Variants in TBX15 observed in about 807,000 individuals in gnomAD.
TBX15 encodes the protein T-box transcription factor TBX15.
Under a neutral mutation model 53.9 loss-of-function variants are expected in TBX15, and 18 were observed. The observed-to-expected ratio is 0.33, with a 90% CI of 0.23 to 0.49. The LOEUF (loss-of-function observed/expected upper bound fraction) is 0.49. Ranked by LOEUF, TBX15 falls within the 20% of genes least tolerant of loss-of-function variation. TBX15 has a pLI of 0.98. For synonymous variants in TBX15, 295 were observed against 278.0 expected, an observed-to-expected ratio of 1.06 and a Z score of -0.61; for missense variants, 692 against 749.5, an observed-to-expected ratio of 0.92 and a Z score of 0.90.
chr1:118,890,241 C>T (rs1654093057), intron 7 of TBX15, among the ~76,000 whole-genome samples: 2 of 152,158 alleles, frequency 1.3e-5, no homozygotes, highest in Admixed American at 1.3e-4. Context: ...GTCCCTCCTC[C>T]CTCACTTCCA....
intron 6 of TBX15, among the ~76,000 whole-genome samples, chr1:118,912,263 G>A (rs1379429537): frequency 6.6e-6 from 1 of 152,096 alleles, no homozygotes; most frequent in African/African-American, 2.4e-5. Flanking sequence ...CCAGTAGGTT[G>A]GAACCCTTGA....
At chr1:118,960,037 C>G (rs1269924662) in intron 1 of TBX15, among the ~76,000 whole-genome samples, 2 of 147,640 alleles carry the variant, frequency 1.4e-5, no homozygotes, top group African/African-American at 5.0e-5. Flanking sequence ...TGAAGAATCA[C>G]TGGAGCAAAG....
At chr1:118,922,730 A>G (rs1655463748) in intron 5 of TBX15, among the ~76,000 whole-genome samples, 1 of 152,212 alleles carries the variant, frequency 6.6e-6, no homozygotes, top group African/African-American at 2.4e-5. Flanking sequence ...GGATGTGAAG[A>G]GGCTGTCAGA....
At chr1:118,925,719 C>G (rs1571179480) in intron 3 of TBX15, among the ~76,000 whole-genome samples, 1 of 152,172 alleles carries the variant, frequency 6.6e-6, no homozygotes, top group South Asian at 2.1e-4. Context: ...TCTCCTAAGT[C>G]CTGAAATCCA....
intron 7 of TBX15, among the ~76,000 whole-genome samples, chr1:118,887,740 G>A (rs1324661637): frequency 6.6e-6 from 1 of 151,298 alleles, no homozygotes; most frequent in African/African-American, 2.4e-5. Context: ...GTGTGCTAAG[G>A]ACACAGGGGT....
chr1:118,938,751 G>A (rs766660566), intron 1 of TBX15, among the ~76,000 whole-genome samples: 14 of 152,136 alleles, frequency 9.2e-5, no homozygotes, highest in African/African-American at 9.7e-5. Context: ...GTTGATTAGT[G>A]ATGCTCAGGG....
At chr1:118,890,358 G>C (rs781443984) in intron 7 of TBX15, among the ~76,000 whole-genome samples, 1 of 152,116 alleles carries the variant, frequency 6.6e-6, no homozygotes, top group Non-Finnish European at 1.5e-5. Flanking sequence ...ACTATCCTTA[G>C]AGGTCTTAAT....
At chr1:118,906,643 T>C (rs887962045) in intron 6 of TBX15, among the ~76,000 whole-genome samples, 10 of 152,198 alleles carry the variant, frequency 6.6e-5, no homozygotes, top group Non-Finnish European at 1.2e-4. Context: ...CCACCTCCCC[T>C]AGACAGAAAT....
At chr1:118,953,485 G>A (rs559167014) in intron 1 of TBX15, among the ~76,000 whole-genome samples, 1 of 152,218 alleles carries the variant, frequency 6.6e-6, no homozygotes, top group South Asian at 2.1e-4. Flanking sequence ...AGAAAGAAAG[G>A]TAAGAATGAC....
chr1:118,949,645 C>T (rs1040436849), intron 1 of TBX15, among the ~76,000 whole-genome samples: 5 of 152,216 alleles, frequency 3.3e-5, no homozygotes, highest in Admixed American at 6.5e-5. Context: ...ACTCAAGAAA[C>T]CCAATGTCCT....
At chr1:118,905,714 A>G (rs1234709836) in intron 6 of TBX15, among the ~76,000 whole-genome samples, 4 of 152,234 alleles carry the variant, frequency 2.6e-5, no homozygotes, top group Non-Finnish European at 5.9e-5. Flanking sequence ...TAAGAGTGCC[A>G]GGAAAGAGTA....
intron 7 of TBX15, among the ~76,000 whole-genome samples, chr1:118,890,072 T>A (rs1654086563): frequency 6.6e-6 from 1 of 152,208 alleles, no homozygotes; most frequent in African/African-American, 2.4e-5. Context: ...CTCCCCACCC[T>A]GATGAGCATT....
In TBX15 at chr1:118,884,105, C is replaced by G. The variant is rs1279443752; in HGVS notation, c.*627G>C. On this transcript the variant is annotated 3_prime_UTR_variant, in exon 8 of 8. Transcript: ENST00000369429. Reference sequence around the variant, plus strand: ...CAAGTCCAGTTGTACTGATGTCTTTCCACTCTCATCCATTGGGAGGGTCTC... The same window carrying G: ...CAAGTCCAGTTGTACTGATGTCTTTGCACTCTCATCCATTGGGAGGGTCTC... 6.5e-6 allele frequency: 1 copy of G among 154,310 alleles called. No homozygotes were observed. The highest frequency in any genetic ancestry group is 6.4e-5 in the Admixed American group (1 of 15,574). The allele number at this position is 154,310 out of a possible 1,614,324, so 9.6% of individuals were successfully genotyped here. A position where few individuals can be genotyped will look rare whatever the true frequency, so the allele number is the denominator to read the frequency against.
At chr1:118,914,753 A>C (rs952519637) in intron 5 of TBX15, among the ~76,000 whole-genome samples, 1 of 152,218 alleles carries the variant, frequency 6.6e-6, no homozygotes, top group African/African-American at 2.4e-5. Flanking sequence ...ATGTTCATGT[A>C]GAAGACAGAA....
At position 118,933,098 on chromosome 1, in the gene TBX15, A is replaced by C. The variant is rs1423737038; in HGVS notation, c.206-1266T>G. 2.6e-5 allele frequency among the ~76,000 whole-genome samples: 4 copies of C among 152,316 alleles called. No individual in the cohort carries two copies. In the South Asian group the frequency reaches 8.3e-4, roughly 32 times the overall value. ...CAGAATGCCCAATCACGTTGCTGCC[A>C]ACCTCACTTACCTGCAGCAGGTTTG... On this transcript the variant is annotated intron_variant, in intron 1 of 7. Coordinates refer to ENST00000369429, the MANE Select transcript of TBX15 (RefSeq NM_001330677.2).
At chr1:118,980,207 G>A (rs1260020067) in intron 1 of TBX15, among the ~76,000 whole-genome samples, 1 of 152,160 alleles carries the variant, frequency 6.6e-6, no homozygotes, top group East Asian at 1.9e-4. Flanking sequence ...CAAGTAAGGG[G>A]GTTAACTGCT....
intron 1 of TBX15, among the ~76,000 whole-genome samples, chr1:118,937,328 T>C (rs1571189766): frequency 6.6e-6 from 1 of 152,138 alleles, no homozygotes; most frequent in Admixed American, 6.6e-5. Flanking sequence ...ATATTGAACA[T>C]TTACTATGTG....
At chr1:118,959,285 T>C (rs1053041137) in intron 1 of TBX15, among the ~76,000 whole-genome samples, 1 of 152,164 alleles carries the variant, frequency 6.6e-6, no homozygotes, top group South Asian at 2.1e-4. Flanking sequence ...CAGAAAGCCT[T>C]CAGGCGAATA....
At position 118,924,649 on chromosome 1, in the gene TBX15, T is replaced by C; in HGVS notation, c.690A>G (p.Gly230=). 2 of 1,614,014 alleles carry C rather than the reference T, an allele frequency of 1.2e-6. No homozygotes were observed. The highest frequency in any genetic ancestry group is 2.2e-5 in the South Asian group (2 of 91,072). ...KLTNNELDDQ[G]HIILHSMHKY... ...GAGATAGGATTCTTTGACTCACATG[T>C]CCTTGATCATCCAACTCATTGTTGG... Residue 230 remains glycine, a synonymous_variant, in exon 4 of 8, where the codon GGA becomes GGG. Coordinates refer to ENST00000369429, the MANE Select transcript of TBX15 (RefSeq NM_001330677.2).
Sources: allele counts gnomAD v4.1 joint callset (sites outside exome capture counted in the v4.1 genomes callset), GRCh38; gene constraint gnomAD v4.1.1; transcripts MANE v1.5; gene names NCBI Gene and HGNC (gene_info 2026-07-23, HGNC 2026-07-21).